COX6C: variants seen among roughly 807,000 people sequenced by gnomAD.
COX6C encodes the protein cytochrome c oxidase subunit 6C.
Under a neutral mutation model 6.9 loss-of-function variants are expected in COX6C, and 3 were observed. That is an observed-to-expected ratio of 0.43 (90% CI 0.20 to 1.12). The LOEUF (loss-of-function observed/expected upper bound fraction) is 1.12. COX6C is among the 50% of genes most tolerant of loss of function. The pLI is 0.27. For synonymous variants in COX6C, 32 were observed against 32.0 expected (o/e 1.00, Z 0.00); for missense variants, 101 against 97.3 (o/e 1.04, Z -0.16).
chr8:99,887,692 G>C, intron 2 of COX6C, 74 bp from the exon 3 acceptor site: 1 of 1,008,662 alleles, frequency 9.9e-7, no homozygotes, highest in Non-Finnish European at 1.4e-6. Context: ...AATATATAAA[G>C]ACAAGGTAGA....
intron 3 of COX6C, among the ~76,000 whole-genome samples, chr8:99,880,780 G>C (rs1817849751): frequency 6.6e-6 from 1 of 151,600 alleles, no homozygotes; most frequent in African/African-American, 2.4e-5. Context: ...ATACCAAGCA[G>C]ACCAATATAG....
chr8:99,887,258 G>C (rs1817956358), intron 3 of COX6C: 1 of 320,574 alleles, frequency 3.1e-6, no homozygotes, highest in Admixed American at 4.9e-5. Context: ...GTTTCTGACT[G>C]GGGGATGTGG....
Position 99,877,897 on chromosome 8 carries a change from A to C in COX6C, c.*384T>G, listed in dbSNP as rs956140632. 10 of 152,232 alleles carry C rather than the reference A, an allele frequency of 6.6e-5. No homozygotes were observed. The highest frequency in any genetic ancestry group is 1.9e-4 in the East Asian group (1 of 5,202). The allele number at this position is 152,232 out of a possible 1,614,324, so 9.4% of individuals were successfully genotyped here. A position where few individuals can be genotyped will look rare whatever the true frequency, so the allele number is the denominator to read the frequency against. ...CAAGGATAGATTTTATTAGGATTCTATCTCTTCTTAGAGCCCACAGTACAG... is the reference window on the plus strand; with the variant it reads ...CAAGGATAGATTTTATTAGGATTCTCTCTCTTCTTAGAGCCCACAGTACAG... On this transcript the variant is annotated 3_prime_UTR_variant, in exon 4 of 4. Transcript: ENST00000520468.
intron 3 of COX6C, chr8:99,885,875 AT>A (rs922926213): frequency 1.3e-5 from 2 of 152,234 alleles, no homozygotes; most frequent in Non-Finnish European, 2.9e-5. Context: ...ATCATATCTG[AT>A]AAGGGGTTAA....
intron 1 of COX6C, chr8:99,893,012 C>T (rs182862268): frequency 6.6e-6 from 1 of 152,338 alleles, no homozygotes; most frequent in Admixed American, 6.5e-5. Context: ...CCCAGCCTCA[C>T]CTAAAGACCT....
chr8:99,883,732 G>C (rs1042599072), intron 3 of COX6C, among the ~76,000 whole-genome samples: 85 of 151,914 alleles, frequency 5.6e-4, no homozygotes, highest in African/African-American at 2.0e-3. Context: ...AAAACTATAG[G>C]CCAAATCCTT....
rs796349890 is a variant in COX6C at position 99,885,002 on chromosome 8, TCA to T, written c.*15+2486_*15+2487del. Among the ~76,000 whole-genome samples the T allele has an allele frequency of 7.9e-5, 12 of 152,240 alleles. 1 individual carries two copies. Among genetic ancestry groups the T allele is most frequent in the African/African-American group, 2.6e-4 (11 of 41,552 alleles). On this transcript the variant is annotated intron_variant, in intron 3 of 3. Transcript: ENST00000520468. ...GAAATAGAAAAATCCATCCTAAAAT[TCA>T]CAGACTCTTAAGGAACCACAAATAG...
chr8:99,890,129 A>G (rs1818011937), intron 2 of COX6C, among the ~76,000 whole-genome samples: 1 of 151,632 alleles, frequency 6.6e-6, no homozygotes, highest in Non-Finnish European at 1.5e-5. Flanking sequence ...AGGCCCAGCT[A>G]ATTTTTGTAT....
chr8:99,881,625 A>G (rs1817867256), intron 3 of COX6C, among the ~76,000 whole-genome samples: 1 of 152,242 alleles, frequency 6.6e-6, no homozygotes, highest in Non-Finnish European at 1.5e-5. Context: ...GTAACCACAA[A>G]GAAAATACTG....
chr8:99,883,065 G>A (rs1817889483), intron 3 of COX6C, among the ~76,000 whole-genome samples: 1 of 152,074 alleles, frequency 6.6e-6, no homozygotes, highest in African/African-American at 2.4e-5. Flanking sequence ...TGGGATTACA[G>A]GCCTTATGAG....
chr8:99,885,327 A>T (rs984002727), intron 3 of COX6C, among the ~76,000 whole-genome samples: 5 of 152,202 alleles, frequency 3.3e-5, no homozygotes, highest in Non-Finnish European at 7.4e-5. Context: ...CATCATAGGT[A>T]TGTACGTACA....
intron 3 of COX6C, among the ~76,000 whole-genome samples, chr8:99,881,925 C>G (rs1588826156): frequency 6.6e-6 from 1 of 152,142 alleles, no homozygotes; most frequent in African/African-American, 2.4e-5. Context: ...ATACAGCAAC[C>G]AGGAGAACAG....
chr8:99,890,702 G>C (rs1459795828), intron 2 of COX6C, among the ~76,000 whole-genome samples: 1 of 152,130 alleles, frequency 6.6e-6, no homozygotes, highest in Non-Finnish European at 1.5e-5. Flanking sequence ...TTCTTTCATG[G>C]GGTATTATGA....
Position 99,887,522 on chromosome 8 carries a change from A to G in COX6C, c.211T>C (p.Phe71Leu). Reference sequence around the variant, plus strand: ...TTCCAAGATTACTTTACACTCTGAAAGATACCAGCCTTCCTCATCTCCTCA... The same window carrying G: ...TTCCAAGATTACTTTACACTCTGAAGGATACCAGCCTTCCTCATCTCCTCA... ...DFEEMRKAGI[F>L]QSVK is the part of the protein sequence containing the mutation. The change falls in exon 3 of 4, where the codon TTT becomes CTT. Residue 71 changes from phenylalanine to leucine, a missense_variant. Phe to Leu is a conservative substitution (Grantham distance 22, BLOSUM62 0). Transcript: ENST00000520468. 1 of 1,602,102 alleles carries G rather than the reference A, an allele frequency of 6.2e-7. No individual in the cohort carries two copies. Among genetic ancestry groups the G allele is most frequent in the Non-Finnish European group, 8.5e-7 (1 of 1,175,568 alleles).
rs1130474 is a variant in COX6C, at chr8:99,892,049, T to C, written c.-28A>G. 285,579 of 1,522,390 alleles carry C rather than the reference T, an allele frequency of 0.19. 30,101 individuals carry two copies. Among genetic ancestry groups the C allele is most frequent in the African/African-American group, 0.44 (31,518 of 71,944 alleles). The allele number at this position is 1,522,390 out of a possible 1,614,324, so 94.3% of individuals were successfully genotyped here. On this transcript the variant is annotated 5_prime_UTR_variant, in exon 2 of 4. Coordinates refer to ENST00000520468, the MANE Select transcript of COX6C (RefSeq NM_004374.4). ...TAGTTACTGTCCTTGATACGTATGC[T>C]AACCTTAAGAGATTCAGAAAATATG...
At chr8:99,880,451 C>T (rs1011924458) in intron 3 of COX6C, among the ~76,000 whole-genome samples, 10 of 152,128 alleles carry the variant, frequency 6.6e-5, no homozygotes, top group East Asian at 3.9e-4. Context: ...AAACCAAACA[C>T]ACTGTGGAGC....
intron 3 of COX6C, chr8:99,886,934 C>T (rs943211457): frequency 6.6e-6 from 1 of 152,192 alleles, no homozygotes; most frequent in Non-Finnish European, 1.5e-5. Context: ...TGTGAATGAA[C>T]TTAACACTAC....
Position 99,891,970 on chromosome 8 carries a change from G to A in COX6C, c.52C>T (p.Arg18Cys), listed in dbSNP as rs752463195. Residue 18 changes from arginine to cysteine, a missense_variant, in exon 2 of 4, where the codon CGT becomes TGT. Arg to Cys is a radical substitution (Grantham distance 180, BLOSUM62 -3). Transcript: ENST00000520468. ...KPRMRGLLAR[R>C]LRNHMAVAFV... ...GCTACAGCCATATGATTTCGCAGAC[G>A]CCTGGCCAGAAGGCCACGCATCCGA... The A allele has an allele frequency of 4.3e-6, 7 of 1,613,972 alleles. No homozygotes were observed. The Admixed American group carries it at 1.0e-4, about 23-fold the overall frequency.
At chr8:99,883,451 GTGTA>G (rs1362391396) in intron 3 of COX6C, among the ~76,000 whole-genome samples, 2 of 137,622 alleles carry the variant, frequency 1.5e-5, no homozygotes, top group Admixed American at 7.0e-5. Context: ...GTGTGTGTGT[GTGTA>G]TATATATATA....
Sources: gnomAD v4.1 joint callset for allele counts (sites outside exome capture counted in the v4.1 genomes callset) on GRCh38, gnomAD v4.1.1 for gene constraint, MANE v1.5 for transcripts, NCBI Gene and HGNC (gene_info 2026-07-23, HGNC 2026-07-21) for gene names.